DDX4: variants seen among roughly 807,000 people sequenced by gnomAD.
The protein encoded by DDX4 is probable ATP-dependent RNA helicase DDX4.
DDX4 carries 25 observed loss-of-function variants against 100.0 expected under a neutral mutation model. The ratio of observed to expected loss-of-function variants is 0.25; its 90% CI spans 0.18 to 0.35. The LOEUF (loss-of-function observed/expected upper bound fraction) is 0.35, where lower values mean the gene tolerates loss of function less well. DDX4 is among the 10% of genes least tolerant of loss of function. The probability of loss-of-function intolerance (pLI) is 1.00; values close to 1 mark genes in which losing one functional copy is unlikely to be tolerated. For synonymous variants in DDX4, 259 were observed against 275.7 expected (o/e 0.94, Z 0.60); for missense variants, 635 against 882.4 (o/e 0.72, Z 3.55).
intron 17 of DDX4, among the ~76,000 whole-genome samples, chr5:55,796,039 G>C (rs148054072): frequency 1.8e-3 from 281 of 152,292 alleles, no homozygotes; most frequent in African/African-American, 4.8e-3. Context: ...AGAACCTGGA[G>C]TATGATGTCC....
At chr5:55,810,206 G>A (rs968041844) in intron 18 of DDX4, among the ~76,000 whole-genome samples, 12 of 152,012 alleles carry the variant, frequency 7.9e-5, no homozygotes, top group African/African-American at 2.7e-4. Context: ...CTGGGTTCAA[G>A]CGATTCTCCT....
intron 14 of DDX4, 65 bp downstream of exon 14, chr5:55,786,735 T>A (rs1742271777): frequency 7.4e-7 from 1 of 1,346,332 alleles, no homozygotes; most frequent in Admixed American, 1.9e-5. Flanking sequence ...CTTAGTAACT[T>A]GGTTTCTTCT....
intron 18 of DDX4, among the ~76,000 whole-genome samples, chr5:55,809,706 T>G (rs1743994937): frequency 6.6e-6 from 1 of 152,212 alleles, no homozygotes; most frequent in South Asian, 2.1e-4. Flanking sequence ...TGAGTTCACC[T>G]GTAGATGTAG....
At chr5:55,780,726 A>G (rs148990257) in intron 8 of DDX4, among the ~76,000 whole-genome samples, 25 of 152,262 alleles carry the variant, frequency 1.6e-4, no homozygotes, top group African/African-American at 5.5e-4. Context: ...TTCTCAGGCA[A>G]TTTCTAGAGA....
chr5:55,773,911 C>T (rs1001525853), intron 7 of DDX4, among the ~76,000 whole-genome samples: 1 of 152,084 alleles, frequency 6.6e-6, no homozygotes, highest in Non-Finnish European at 1.5e-5. Context: ...AGCATGTGTG[C>T]CACAGTGCCC....
At chr5:55,782,221 G>A in intron 10 of DDX4, 1 of 432,776 alleles carries the variant, frequency 2.3e-6, no homozygotes, top group Non-Finnish European at 4.2e-6. Flanking sequence ...ATATACTATA[G>A]ATGTATTTGG....
chr5:55,777,050 A>G (rs1741607565), intron 7 of DDX4, among the ~76,000 whole-genome samples: 1 of 152,202 alleles, frequency 6.6e-6, no homozygotes. Context: ...AAAATGTGTA[A>G]CTTGCTGATG....
At chr5:55,766,935 G>T in intron 6 of DDX4, 1 of 1,515,188 alleles carries the variant, frequency 6.6e-7, no homozygotes, top group Non-Finnish European at 8.9e-7. Context: ...TGGGAATGGG[G>T]TCTAGGAATT....
At chr5:55,773,993 C>T (rs550928918) in intron 7 of DDX4, among the ~76,000 whole-genome samples, 5 of 152,080 alleles carry the variant, frequency 3.3e-5, no homozygotes, top group African/African-American at 1.2e-4. Context: ...TGCTTATTGA[C>T]CATTTGTATA....
intron 18 of DDX4, among the ~76,000 whole-genome samples, chr5:55,803,675 C>G (rs1743484044): frequency 6.6e-6 from 1 of 151,958 alleles, no homozygotes. Context: ...TTTATGGATG[C>G]ACAGTATTCC....
At chr5:55,810,628 T>G (rs569429645) in intron 18 of DDX4, among the ~76,000 whole-genome samples, 2 of 152,244 alleles carry the variant, frequency 1.3e-5, no homozygotes, top group South Asian at 4.2e-4. Flanking sequence ...TCTTTTCTGG[T>G]TTGACAACTC....
chr5:55,779,991 C>T lies in DDX4; in HGVS notation c.422C>T (p.Ala141Val). 2 of 1,613,852 alleles carry T rather than the reference C, an allele frequency of 1.2e-6. No homozygotes were observed. The highest frequency in any genetic ancestry group is 8.5e-7 in the Non-Finnish European group (1 of 1,179,894). Residue 141 changes from alanine to valine, a missense_variant, in exon 8 of 22, where the codon GCT (alanine) becomes GTT (valine). Ala to Val is a moderately conservative substitution (Grantham distance 64). Around this residue, in one of 4 missense-constraint regions of DDX4, gnomAD observed 446 missense variants for 540.8 expected, o/e 0.82. Transcript: ENST00000505374. ...TATCGAGATGGAAATAATTCAGAAG[C>T]TTCAGGGCCATACAGAAGAGGTGGA... ...GGYRDGNNSE[A>V]SGPYRRGGRG... is the part of the protein sequence containing the mutation.
At chr5:55,813,138 G>T (rs1260122372) in intron 18 of DDX4, among the ~76,000 whole-genome samples, 1 of 152,034 alleles carries the variant, frequency 6.6e-6, no homozygotes, top group African/African-American at 2.4e-5. Flanking sequence ...GGATAAGGTT[G>T]TCATTTAATT....
chr5:55,769,782 T>C (rs1032041895), intron 7 of DDX4, among the ~76,000 whole-genome samples: 4 of 151,942 alleles, frequency 2.6e-5, no homozygotes, highest in Non-Finnish European at 5.9e-5. Flanking sequence ...AAGGCTGTAA[T>C]AACCAAAACA....
intron 18 of DDX4, among the ~76,000 whole-genome samples, chr5:55,807,289 T>G (rs568010030): frequency 1.3e-5 from 2 of 152,072 alleles, no homozygotes; most frequent in African/African-American, 2.4e-5. Context: ...TTGCCAGTCT[T>G]TGTCTTTTAA....
chr5:55,783,001 A>G (rs781453469), intron 10 of DDX4, among the ~76,000 whole-genome samples: 1 of 151,940 alleles, frequency 6.6e-6, no homozygotes, highest in Non-Finnish European at 1.5e-5. Flanking sequence ...CACCTTTGCC[A>G]GGCTGGTCTC....
At position 55,806,358 on chromosome 5, in the gene DDX4, A is replaced by T. The variant is rs1052681809; in HGVS notation, c.1616-7315A>T. Among the ~76,000 whole-genome samples the T allele has an allele frequency of 2.9e-3, 448 of 151,910 alleles. 4 individuals carry two copies. The highest frequency in any genetic ancestry group is 0.01 in the African/African-American group (428 of 41,438). On this transcript the variant is annotated intron_variant, in intron 18 of 21. Coordinates refer to ENST00000505374, the MANE Select transcript of DDX4 (RefSeq NM_024415.3). ...GCTCTGATCTTAGTTATTTCTTGCCATCTGCTAGCTTTTGAATGTGTTTGC... is the reference window on the plus strand; with the variant it reads ...GCTCTGATCTTAGTTATTTCTTGCCTTCTGCTAGCTTTTGAATGTGTTTGC...
intron 7 of DDX4, among the ~76,000 whole-genome samples, chr5:55,775,718 ATTTC>A (rs70995737): frequency 0.11 from 17,316 of 152,084 alleles, 1,479 homozygotes; most frequent in East Asian, 0.27. Flanking sequence ...TTATAAGGTA[ATTTC>A]TTTCTGAAGA....
At chr5:55,791,806 C>CT (rs1460157177) in intron 16 of DDX4, among the ~76,000 whole-genome samples, 20 of 152,264 alleles carry the variant, frequency 1.3e-4, no homozygotes, top group African/African-American at 4.6e-4. Flanking sequence ...TGGCTAATGA[C>CT]TAACACGTTA....
Sources: gnomAD v4.1 joint callset for allele counts (sites outside exome capture counted in the v4.1 genomes callset) on GRCh38, gnomAD v4.1.1 for gene constraint, gnomAD v4.1.1 regional missense constraint, MANE v1.5 for transcripts, NCBI Gene and HGNC (gene_info 2026-07-23, HGNC 2026-07-21) for gene names.